BMP7: variants seen among roughly 807,000 people sequenced by gnomAD.
BMP7 encodes osteogenic protein 1.
Under a neutral mutation model 41.2 loss-of-function variants are expected in BMP7, and 12 were observed. The observed-to-expected ratio is 0.29, with a 90% CI of 0.19 to 0.47. The LOEUF is 0.47. Ranked by LOEUF, BMP7 falls within the 20% of genes least tolerant of loss-of-function variation. The probability of loss-of-function intolerance (pLI) is 0.99; values close to 1 mark genes in which losing one functional copy is unlikely to be tolerated. For synonymous variants in BMP7, 248 were observed against 250.0 expected (o/e 0.99, Z 0.07); for missense variants, 467 against 606.0 (o/e 0.77, Z 2.41).
intron 1 of BMP7, among the ~76,000 whole-genome samples, chr20:57,238,540 T>C (rs1330402501): frequency 6.6e-6 from 1 of 152,200 alleles, no homozygotes; most frequent in African/African-American, 2.4e-5. Context: ...CTGTTTTCCA[T>C]AGTGGCTACA....
chr20:57,182,775 C>T (rs567687525), intron 4 of BMP7, among the ~76,000 whole-genome samples: 26 of 152,392 alleles, frequency 1.7e-4, no homozygotes, highest in African/African-American at 4.8e-4. Flanking sequence ...CTGCAGAGCA[C>T]GACCTCCTGG....
intron 1 of BMP7, among the ~76,000 whole-genome samples, chr20:57,232,162 C>T (rs1341171230): frequency 6.6e-6 from 1 of 152,210 alleles, no homozygotes; most frequent in Admixed American, 6.5e-5. Context: ...CACTTACCAG[C>T]TGTGTGACCT....
chr20:57,212,223 C>A (rs532279331), intron 2 of BMP7, among the ~76,000 whole-genome samples: 1 of 152,138 alleles, frequency 6.6e-6, no homozygotes, highest in Non-Finnish European at 1.5e-5. Context: ...AAACATCTCC[C>A]GAAGGGGGTC....
chr20:57,196,369 T>C (rs917068964), intron 3 of BMP7, among the ~76,000 whole-genome samples: 5 of 152,158 alleles, frequency 3.3e-5, no homozygotes, highest in South Asian at 2.1e-4. Context: ...CAGTACATGG[T>C]CTCTCGTTCC....
At chr20:57,250,271 AATAT>A (rs10622992) in intron 1 of BMP7, among the ~76,000 whole-genome samples, 1 of 142,284 alleles carries the variant, frequency 7.0e-6, no homozygotes, top group Non-Finnish European at 1.5e-5. Context: ...TTTCTACAAA[AATAT>A]ATATAGAGTA....
intron 1 of BMP7, among the ~76,000 whole-genome samples, chr20:57,235,360 C>T (rs1010096610): frequency 2.6e-5 from 4 of 152,146 alleles, no homozygotes; most frequent in African/African-American, 9.7e-5. Flanking sequence ...AACACGTGTC[C>T]ACTGGGTAAA....
intron 4 of BMP7, among the ~76,000 whole-genome samples, chr20:57,180,116 A>G (rs1029984800): frequency 4.1e-4 from 62 of 152,158 alleles, no homozygotes; most frequent in Admixed American, 3.5e-3. Context: ...CCGGCCTCTG[A>G]GCACCCCCTC....
rs1047476868 is a variant in BMP7, at chr20:57,171,362, C to T, written c.1147-254G>A. Among the ~76,000 whole-genome samples the T allele has an allele frequency of 2.0e-5, 3 of 152,144 alleles. No individual in the cohort carries two copies. Among genetic ancestry groups the T allele is most frequent in the Non-Finnish European group, 2.9e-5 (2 of 68,020 alleles). On this transcript the variant is annotated intron_variant, in intron 6 of 6. Transcript: ENST00000395863. The surrounding 1 kb of genome is among the most constrained non-coding windows in gnomAD (Gnocchi z 4.5). ...CAGTGGGGAAGGAAGGGGCCAGATC[C>T]GACATTCAGGACCAGGTAATTCTCT...
In BMP7 at chr20:57,261,234, G is replaced by A. The variant is rs141139611; in HGVS notation, c.418+4471C>T. Reference sequence around the variant, plus strand: ...CTACGCCATGGTAAAGCCCCAAACCGTAGCTTGAGAGGGCTGCATCTCAAA... The same window carrying A: ...CTACGCCATGGTAAAGCCCCAAACCATAGCTTGAGAGGGCTGCATCTCAAA... On this transcript the variant is annotated intron_variant, in intron 1 of 6. Transcript: ENST00000395863. This position sits in a 1 kb window ranked among gnomAD's most constrained non-coding sequence, Gnocchi z 4.1. 3.5e-3 allele frequency among the ~76,000 whole-genome samples: 526 copies of A among 152,260 alleles called. 4 individuals carry two copies. Among genetic ancestry groups the A allele is most frequent in the African/African-American group, 0.012 (485 of 41,548 alleles).
intron 2 of BMP7, among the ~76,000 whole-genome samples, chr20:57,221,107 G>A (rs1344389371): frequency 2.0e-5 from 3 of 152,166 alleles, no homozygotes; most frequent in Admixed American, 6.5e-5. Flanking sequence ...ACCACAGTGA[G>A]CAAAACGAAC....
At chr20:57,186,608 T>C (rs1984216497) in intron 3 of BMP7, among the ~76,000 whole-genome samples, 1 of 152,124 alleles carries the variant, frequency 6.6e-6, no homozygotes, top group African/African-American at 2.4e-5. Context: ...CAGGTGAGGA[T>C]GACGGGGAGT....
chr20:57,173,186 G>A lies in BMP7; in HGVS notation c.1146+14C>T. 1 of 1,612,270 alleles carries A rather than the reference G, an allele frequency of 6.2e-7. No individual in the cohort carries two copies. Among genetic ancestry groups the A allele is most frequent in the African/African-American group, 1.3e-5 (1 of 74,986 alleles). Reference sequence around the variant, plus strand: ...GGCCCAGGTGACCACACCCCAAGATGGCGTGACACCCACCAGCGTCTGCAC... The same window carrying A: ...GGCCCAGGTGACCACACCCCAAGATAGCGTGACACCCACCAGCGTCTGCAC... On this transcript the variant is annotated intron_variant, in intron 6 of 6. Coordinates refer to ENST00000395863, the MANE Select transcript of BMP7 (RefSeq NM_001719.3).
intron 1 of BMP7, among the ~76,000 whole-genome samples, chr20:57,246,757 G>A (rs1430146883): frequency 6.6e-6 from 1 of 152,226 alleles, no homozygotes; most frequent in African/African-American, 2.4e-5. Context: ...GGGAGGCCGA[G>A]GTGGGCGGAT....
intron 1 of BMP7, among the ~76,000 whole-genome samples, chr20:57,257,091 C>T (rs987211344): frequency 2.6e-4 from 40 of 152,150 alleles, no homozygotes; most frequent in African/African-American, 8.9e-4. Context: ...CTCCCAGGGA[C>T]TCTGCTGCCA....
intron 1 of BMP7, among the ~76,000 whole-genome samples, chr20:57,265,042 A>AAAAAAG (rs1555819055): frequency 0.2 from 24,072 of 119,640 alleles, 2,710 homozygotes; most frequent in East Asian, 0.25. Context: ...AAAAAAAAAA[A>AAAAAAG]AAAAGAAAAG....
intron 1 of BMP7, among the ~76,000 whole-genome samples, chr20:57,234,079 C>T (rs903409259): frequency 1.3e-5 from 2 of 152,146 alleles, no homozygotes; most frequent in Admixed American, 1.3e-4. Context: ...CCATGTCCCC[C>T]CACCCCCACT....
At chr20:57,179,294 T>C (rs1046789774) in intron 4 of BMP7, among the ~76,000 whole-genome samples, 3 of 152,174 alleles carry the variant, frequency 2.0e-5, no homozygotes, top group African/African-American at 7.2e-5. Context: ...CAACAGAAAG[T>C]GAGCAGGAGA....
chr20:57,170,699 T>G lies in BMP7; in HGVS notation c.*260A>C. On this transcript the variant is annotated 3_prime_UTR_variant, in exon 7 of 7. Transcript: ENST00000395863. ...CCCAGCCAATGACCTGGCCCGGCCA[T>G]TTTTCTTTATGCGTTGTTTTTTTTT... 5 of 442,386 alleles carry G rather than the reference T, an allele frequency of 1.1e-5. No homozygotes were observed. The highest frequency in any genetic ancestry group is 2.1e-5 in the South Asian group (1 of 47,898). 27.4% of individuals were successfully genotyped at this position (442,386 alleles called of 1,614,324 possible). A position where few individuals can be genotyped will look rare whatever the true frequency, so the allele number is the denominator to read the frequency against.
intron 2 of BMP7, among the ~76,000 whole-genome samples, chr20:57,207,805 C>G (rs963457315): frequency 6.8e-6 from 1 of 146,142 alleles, no homozygotes; most frequent in Non-Finnish European, 1.5e-5. Context: ...CCCCATACCC[C>G]AGTTGGTTTT....
Sources: gnomAD v4.1 joint callset for allele counts (sites outside exome capture counted in the v4.1 genomes callset) on GRCh38, gnomAD v4.1.1 for gene constraint, Gnocchi (gnomAD v3.1) non-coding constraint, MANE v1.5 for transcripts, NCBI Gene and HGNC (gene_info 2026-07-23, HGNC 2026-07-21) for gene names.